The following SHOC2 variants were observed in gnomAD, a reference collection of about 807,000 sequenced individuals.
SHOC2 encodes leucine-rich repeat protein SHOC-2.
A neutral mutation model predicts 50.2 loss-of-function variants in SHOC2; 4 were observed. That is an observed-to-expected ratio of 0.08 (90% confidence interval 0.04 to 0.18). The LOEUF is 0.18. Ranked by LOEUF, SHOC2 falls within the 10% of genes least tolerant of loss-of-function variation. The pLI is 1.00. For synonymous variants in SHOC2, 218 were observed against 244.5 expected (o/e 0.89, Z 1.01); for missense variants, 388 against 669.6 (o/e 0.58, Z 4.64).
At chr10:111,010,722 T>A (rs1483060921) in intron 8 of SHOC2, among the ~76,000 whole-genome samples, 1 of 152,176 alleles carries the variant, frequency 6.6e-6, no homozygotes, top group Non-Finnish European at 1.5e-5. Flanking sequence ...ATTCAAAATC[T>A]AGCCCTGCTG....
intron 2 of SHOC2, among the ~76,000 whole-genome samples, chr10:110,980,872 A>G (rs982294900): frequency 6.6e-6 from 1 of 151,990 alleles, no homozygotes; most frequent in South Asian, 2.1e-4. Flanking sequence ...TGTTTACAGC[A>G]GTTATCACAT....
At chr10:110,937,169 A>G (rs1847041202) in intron 1 of SHOC2, 3 of 1,544,492 alleles carry the variant, frequency 1.9e-6, no homozygotes, top group Admixed American at 1.7e-5. Flanking sequence ...TTTAGCCACG[A>G]TGGTCGCCAG....
intron 1 of SHOC2, among the ~76,000 whole-genome samples, chr10:110,931,907 C>T (rs1846902658): frequency 6.6e-6 from 1 of 152,092 alleles, no homozygotes; most frequent in East Asian, 1.9e-4. Context: ...TTTCCCATTA[C>T]CTTTAAATGA....
intron 2 of SHOC2, among the ~76,000 whole-genome samples, chr10:110,968,840 G>T (rs58549226): frequency 6.6e-6 from 1 of 151,962 alleles, no homozygotes; most frequent in African/African-American, 2.4e-5. Flanking sequence ...AGGAGTTTTC[G>T]AAATAGAGCC....
intron 1 of SHOC2, among the ~76,000 whole-genome samples, chr10:110,923,424 C>G (rs1163403463): frequency 6.6e-6 from 1 of 151,992 alleles, no homozygotes; most frequent in African/African-American, 2.4e-5. Context: ...TCCCCCGGGT[C>G]TCAACTTTTT....
chr10:110,923,630 C>T (rs1846698337), intron 1 of SHOC2, among the ~76,000 whole-genome samples: 1 of 152,068 alleles, frequency 6.6e-6, no homozygotes, highest in Non-Finnish European at 1.5e-5. Flanking sequence ...CTCTAAAGGT[C>T]AGAACTGATT....
chr10:111,009,232 A>G lies in SHOC2; in HGVS notation c.1285-16A>G. The G allele has an allele frequency of 6.7e-7, 1 of 1,497,644 alleles. No individual in the cohort carries two copies. The highest frequency in any genetic ancestry group is 1.4e-5 in the African/African-American group (1 of 72,622). The allele number at this position is 1,497,644 out of a possible 1,614,324, so 92.8% of individuals were successfully genotyped here. On this transcript the variant is annotated splice_polypyrimidine_tract_variant and intron_variant, in intron 6 of 8. Transcript: ENST00000369452. Reference sequence around the variant, plus strand: ...ATTTCATGATTTCCTAAACATTATCAATAATTTCTCATTAGGTTCTTATCT... The same window carrying G: ...ATTTCATGATTTCCTAAACATTATCGATAATTTCTCATTAGGTTCTTATCT...
chr10:110,997,910 C>G (rs558825407), intron 3 of SHOC2, among the ~76,000 whole-genome samples: 2 of 151,534 alleles, frequency 1.3e-5, no homozygotes, highest in Admixed American at 6.6e-5. Context: ...CCTATTTTTG[C>G]CATTATATAT....
intron 3 of SHOC2, among the ~76,000 whole-genome samples, chr10:110,991,065 G>T (rs1184986555): frequency 2.6e-5 from 4 of 152,080 alleles, no homozygotes; most frequent in Admixed American, 6.6e-5. Context: ...GATATATATA[G>T]CATGATTTTC....
At chr10:110,980,994 A>G (rs932065001) in intron 2 of SHOC2, among the ~76,000 whole-genome samples, 3 of 152,210 alleles carry the variant, frequency 2.0e-5, no homozygotes, top group African/African-American at 7.2e-5. Flanking sequence ...TCTTTCATGT[A>G]GATGGAAACT....
chr10:110,992,218 G>A (rs1349145826), intron 3 of SHOC2, among the ~76,000 whole-genome samples: 4 of 152,146 alleles, frequency 2.6e-5, no homozygotes, highest in East Asian at 3.8e-4. Context: ...ACAACTCATA[G>A]GATGTGAGGA....
chr10:110,966,867 A>G (rs185501852), intron 2 of SHOC2, among the ~76,000 whole-genome samples: 208 of 152,282 alleles, frequency 1.4e-3, no homozygotes, highest in African/African-American at 4.7e-3. Flanking sequence ...AAATGGTAAT[A>G]TCATAAATGT....
chr10:110,929,726 C>T (rs1476234986), intron 1 of SHOC2, among the ~76,000 whole-genome samples: 1 of 152,174 alleles, frequency 6.6e-6, no homozygotes, highest in Non-Finnish European at 1.5e-5. Flanking sequence ...AAACCCCACC[C>T]TTGTGACCTC....
intron 8 of SHOC2, 132 bp from the exon 9 acceptor site, chr10:111,011,478 T>C (rs1848564381): frequency 1.5e-6 from 1 of 683,676 alleles, no homozygotes; most frequent in Non-Finnish European, 2.5e-6. Context: ...TTGTAGAGTT[T>C]TAAAGCTAAG....
intron 1 of SHOC2, among the ~76,000 whole-genome samples, chr10:110,941,259 T>C (rs1214521148): frequency 1.3e-5 from 2 of 152,086 alleles, no homozygotes; most frequent in Non-Finnish European, 2.9e-5. Context: ...ACTTGTTTTC[T>C]GTATCTCTTC....
In SHOC2 at chr10:110,973,577, T is replaced by C. The variant is rs142123727; in HGVS notation, c.703+8516T>C. On this transcript the variant is annotated intron_variant, in intron 2 of 8. Coordinates refer to ENST00000369452, the MANE Select transcript of SHOC2 (RefSeq NM_007373.4). Reference sequence around the variant, plus strand: ...ATAGAATGAGTTGAGACATGTTTCTTCCTCTTTTATATTCTAGAAGGGTTT... The same window carrying C: ...ATAGAATGAGTTGAGACATGTTTCTCCCTCTTTTATATTCTAGAAGGGTTT... Among the ~76,000 whole-genome samples the C allele has an allele frequency of 3.0e-3, 450 of 152,250 alleles. 3 individuals carry two copies. Among genetic ancestry groups the C allele is most frequent in the Non-Finnish European group, 5.4e-3 (367 of 67,986 alleles).
At chr10:110,950,508 A>T (rs1847330704) in intron 1 of SHOC2, among the ~76,000 whole-genome samples, 1 of 152,230 alleles carries the variant, frequency 6.6e-6, no homozygotes, top group African/African-American at 2.4e-5. Flanking sequence ...TTTACACAGA[A>T]ATAGGAAAAG....
At chr10:110,919,602 A>T (rs1323076928), upstream of SHOC2, 2 of 392,156 alleles carry the variant, frequency 5.1e-6, no homozygotes, top group African/African-American at 4.3e-5. Flanking sequence ...TAGGAGGAGG[A>T]GGAAGAGGAG....
At chr10:110,978,182 T>TA (rs1490746674) in intron 2 of SHOC2, among the ~76,000 whole-genome samples, 3 of 152,244 alleles carry the variant, frequency 2.0e-5, no homozygotes, top group Non-Finnish European at 1.5e-5. Flanking sequence ...TTTCCTGTGA[T>TA]ACAAGGGAAT....
Sources: allele counts gnomAD v4.1 joint callset (sites outside exome capture counted in the v4.1 genomes callset), GRCh38; gene constraint gnomAD v4.1.1; transcripts MANE v1.5; gene names NCBI Gene and HGNC (gene_info 2026-07-23, HGNC 2026-07-21).